DYRK1A: variants seen among roughly 807,000 people sequenced by gnomAD.
DYRK1A encodes the protein dual specificity tyrosine-phosphorylation-regulated kinase 1A.
In DYRK1A, 9 loss-of-function variants were observed where a neutral mutation model predicts 79.7. The observed-to-expected ratio is 0.11, with a 90% CI of 0.07 to 0.20. DYRK1A has a LOEUF of 0.20. DYRK1A is among the 10% of genes least tolerant of loss of function. The pLI, the probability that DYRK1A is intolerant of heterozygous loss-of-function variation, is 1.00. For missense variants in DYRK1A, 622 were observed against 956.0 expected (o/e 0.65, Z 4.61); for synonymous variants, 349 against 329.7 (o/e 1.06, Z -0.63).
At chr21:37,431,082 C>T (rs185239721) in intron 2 of DYRK1A, among the ~76,000 whole-genome samples, 105 of 152,228 alleles carry the variant, frequency 6.9e-4, no homozygotes, top group Non-Finnish European at 1.1e-3. Context: ...ATGTCTCCAT[C>T]CCATGCTTTA....
At chr21:37,483,025 A>G (rs1002493456) in intron 5 of DYRK1A, among the ~76,000 whole-genome samples, 6 of 152,168 alleles carry the variant, frequency 3.9e-5, no homozygotes, top group Admixed American at 6.5e-5. Context: ...CAATTTGTGC[A>G]GTTAATGCAA....
rs764466157 is a variant in DYRK1A at position 37,472,778 on chromosome 21, C to T, written c.105C>T (p.Pro35=). The T allele has an allele frequency of 1.2e-6, 2 of 1,613,126 alleles. No individual in the cohort carries two copies. The highest frequency in any genetic ancestry group is 2.7e-5 in the African/African-American group (2 of 74,904). ...AAGLQMAGQM[P]HSHQYSDRRQ... is the part of the protein sequence containing the mutation. ...GCCTTCAGATGGCTGGACAGATGCC[C>T]CATTCACATCAGTACAGTGACCGTC... The change falls in exon 3 of 12, where the codon CCC becomes CCT. Residue 35 remains proline (P), a synonymous_variant. Transcript: ENST00000647188.
chr21:37,399,414 A>C (rs2050014747), intron 1 of DYRK1A, among the ~76,000 whole-genome samples: 2 of 152,120 alleles, frequency 1.3e-5, no homozygotes, highest in South Asian at 4.1e-4. Flanking sequence ...GCAGGCAGGG[A>C]AAGAGTGCGG....
rs1401944846 is a variant in DYRK1A, at chr21:37,512,543, C to T, written c.*12C>T. ...TAGCTAGCTCGTGACTACATTGAAA[C>T]TTGAGTTTGTTTCTTGTGTGTTTTT... is the stretch of plus-strand genomic sequence containing the variant. On this transcript the variant is annotated 3_prime_UTR_variant, in exon 12 of 12. Transcript: ENST00000647188. 3 of 1,602,118 alleles carry T rather than the reference C, an allele frequency of 1.9e-6. No individual in the cohort carries two copies. Among genetic ancestry groups the T allele is most frequent in the Non-Finnish European group, 2.6e-6 (3 of 1,171,840 alleles).
At position 37,519,736 on chromosome 21, in the gene DYRK1A, G is replaced by GTTTTTTTTGTTTTTTTTTTTTTTTTTTTT. The variant is rs58947386; in HGVS notation, c.*7213_*7214insGTTTTTTTTTTTTTTTTTTTTTTTTTTTT. On this transcript the variant is annotated 3_prime_UTR_variant, in exon 12 of 12. Transcript: ENST00000647188. ...AGAGTTTTGAGGTTTGTTGTGGGAA[G>GTTTTTTTTGTTTTTTTTTTTTTTTTTTTT]TTTTTTTTTTTTTTTTTTTTTTTGA... The GTTTTTTTTGTTTTTTTTTTTTTTTTTTTT allele has an allele frequency of 5.8e-5, 5 of 85,800 alleles. No homozygotes were observed. Among genetic ancestry groups the GTTTTTTTTGTTTTTTTTTTTTTTTTTTTT allele is most frequent in the African/African-American group, 2.4e-4 (5 of 20,612 alleles). The allele number at this position is 85,800 out of a possible 1,614,324, so 5.3% of individuals were successfully genotyped here.
intron 1 of DYRK1A, among the ~76,000 whole-genome samples, chr21:37,402,071 T>G (rs1350551025): frequency 6.6e-6 from 1 of 152,198 alleles, no homozygotes. Flanking sequence ...GTGCAATTGC[T>G]GCCATGTTTT....
intron 2 of DYRK1A, chr21:37,430,353 T>C: frequency 2.0e-6 from 2 of 984,978 alleles, no homozygotes; most frequent in Non-Finnish European, 2.4e-6. Flanking sequence ...TGATACTGTG[T>C]CACTGAGGTC....
In DYRK1A at chr21:37,521,045, T is replaced by C. The variant is rs1019425120; in HGVS notation, c.*8514T>C. 2 of 152,238 alleles carry C rather than the reference T, an allele frequency of 1.3e-5. No homozygotes were observed. Among genetic ancestry groups the C allele is most frequent in the African/African-American group, 2.4e-5 (1 of 41,452 alleles). The allele number at this position is 152,238 out of a possible 1,614,324, so 9.4% of individuals were successfully genotyped here. On this transcript the variant is annotated 3_prime_UTR_variant, in exon 12 of 12. Transcript: ENST00000647188. Reference sequence around the variant, plus strand: ...GTTTCTGAAGGCATCTCCCACTGATTATGTAATGACAGCTACTTAACATCT... The same window carrying C: ...GTTTCTGAAGGCATCTCCCACTGATCATGTAATGACAGCTACTTAACATCT...
At chr21:37,416,424 C>T (rs2835724) in intron 1 of DYRK1A, among the ~76,000 whole-genome samples, 81,068 of 148,074 alleles carry the variant, frequency 0.55, 22,440 homozygotes, top group African/African-American at 0.66. Flanking sequence ...TCCTATATAA[C>T]TGCTTTTTCT....
intron 1 of DYRK1A, among the ~76,000 whole-genome samples, chr21:37,393,003 T>G (rs1324539914): frequency 6.6e-6 from 1 of 152,246 alleles, no homozygotes. Context: ...TTAACCAATC[T>G]GTGAGGGCAA....
At chr21:37,435,998 A>AC (rs2148464967) in intron 2 of DYRK1A, among the ~76,000 whole-genome samples, 1 of 152,238 alleles carries the variant, frequency 6.6e-6, no homozygotes, top group East Asian at 1.9e-4. Context: ...GCAGAAAAAA[A>AC]AATCAGTTCT....
chr21:37,418,102 A>G (rs977813993), intron 1 of DYRK1A, among the ~76,000 whole-genome samples: 2 of 152,196 alleles, frequency 1.3e-5, no homozygotes, highest in African/African-American at 2.4e-5. Context: ...GCTTATTGTC[A>G]TATAAAAACT....
intron 11 of DYRK1A, among the ~76,000 whole-genome samples, chr21:37,507,051 T>G (rs1302110348): frequency 6.8e-6 from 1 of 146,956 alleles, no homozygotes; most frequent in Admixed American, 6.8e-5. Flanking sequence ...TTCAAACTTT[T>G]CTACTCTTAG....
intron 2 of DYRK1A, among the ~76,000 whole-genome samples, 166 bp downstream of exon 2, chr21:37,420,550 C>T (rs183370998): frequency 6.6e-6 from 1 of 152,148 alleles, no homozygotes; most frequent in Non-Finnish European, 1.5e-5. Flanking sequence ...CTTTTGAACT[C>T]AGATTGATAA....
chr21:37,401,031 C>G (rs890498943), intron 1 of DYRK1A, among the ~76,000 whole-genome samples: 2 of 152,016 alleles, frequency 1.3e-5, no homozygotes, highest in Non-Finnish European at 1.5e-5. Context: ...GTAGTCCCAG[C>G]TACTTGGGAG....
chr21:37,465,599 G>A (rs898312700), intron 2 of DYRK1A, among the ~76,000 whole-genome samples: 2 of 152,128 alleles, frequency 1.3e-5, no homozygotes, highest in Non-Finnish European at 2.9e-5. Flanking sequence ...CACTTTGGGA[G>A]GCCAAAGTGA....
At chr21:37,433,843 C>CT (rs2050846755) in intron 2 of DYRK1A, among the ~76,000 whole-genome samples, 1 of 152,126 alleles carries the variant, frequency 6.6e-6, no homozygotes, top group Non-Finnish European at 1.5e-5. Context: ...GAGAGCTTTG[C>CT]TTTTTATCTG....
At chr21:37,479,612 G>GTTTTTGGTT (rs756471343) in intron 4 of DYRK1A, among the ~76,000 whole-genome samples, 2 of 47,160 alleles carry the variant, frequency 4.2e-5, no homozygotes, top group African/African-American at 1.7e-4. Context: ...TTTTGTTTTT[G>GTTTTTGGTT]TTTTTTGTTT....
At chr21:37,497,934 A>G (rs1387931904) in intron 9 of DYRK1A, among the ~76,000 whole-genome samples, 2 of 152,184 alleles carry the variant, frequency 1.3e-5, no homozygotes, top group Admixed American at 6.5e-5. Flanking sequence ...TTTTAAAAAT[A>G]TGAAATAATT....
Sources: gnomAD v4.1 joint callset for allele counts (sites outside exome capture counted in the v4.1 genomes callset) on GRCh38, gnomAD v4.1.1 for gene constraint, MANE v1.5 for transcripts, NCBI Gene and HGNC (gene_info 2026-07-23, HGNC 2026-07-21) for gene names.